The following RB1 variants were observed in gnomAD, a reference collection of about 807,000 sequenced individuals.
The protein encoded by RB1 is RB transcriptional corepressor 1.
RB1 carries 18 observed loss-of-function variants against 135.4 expected under a neutral mutation model. The observed-to-expected ratio is 0.13, with a 90% CI of 0.09 to 0.20. The LOEUF is 0.20. Ranked by LOEUF, RB1 falls within the 10% of genes least tolerant of loss-of-function variation. The pLI is 1.00. For missense variants in RB1, 868 were observed against 1,110.0 expected (o/e 0.78, Z 3.10); for synonymous variants, 365 against 373.2 (o/e 0.98, Z 0.25).
At chr13:48,406,715 G>C (rs1030296340) in intron 17 of RB1, 1 of 152,264 alleles carries the variant, frequency 6.6e-6, no homozygotes, top group Admixed American at 6.5e-5. Flanking sequence ...TTTGCCTGTG[G>C]TGCTTGCCTT....
At chr13:48,397,809 T>G (rs2138174492) in intron 17 of RB1, among the ~76,000 whole-genome samples, 1 of 152,288 alleles carries the variant, frequency 6.6e-6, no homozygotes, top group Non-Finnish European at 1.5e-5. Context: ...TGGTATTCTT[T>G]TGAAATGTCA....
intron 8 of RB1, 50 bp downstream of exon 8, chr13:48,363,007 T>C (rs2138113075): frequency 6.3e-7 from 1 of 1,592,506 alleles, no homozygotes; most frequent in Middle Eastern, 1.7e-4. Context: ...GATTTAGATG[T>C]AAGTTCTCCC....
intron 17 of RB1, among the ~76,000 whole-genome samples, chr13:48,440,439 G>A (rs1949226011): frequency 6.6e-6 from 1 of 152,082 alleles, no homozygotes; most frequent in Non-Finnish European, 1.5e-5. Context: ...ATTTACTTAT[G>A]TACAAATAGC....
intron 8 of RB1, 108 bp downstream of exon 8, chr13:48,363,065 G>C: frequency 7.3e-7 from 1 of 1,370,392 alleles, no homozygotes; most frequent in African/African-American, 1.5e-5. Flanking sequence ...TTTGTAATTA[G>C]TGCTAACTCT....
chr13:48,347,763 A>G, intron 4 of RB1, 62 bp from the exon 5 acceptor site: 1 of 1,153,476 alleles, frequency 8.7e-7, no homozygotes, highest in Non-Finnish European at 1.3e-6. Context: ...AAGCATGAGA[A>G]AACTACTATG....
At chr13:48,427,165 C>A (rs141486407) in intron 17 of RB1, among the ~76,000 whole-genome samples, 1 of 150,164 alleles carries the variant, frequency 6.7e-6, no homozygotes, top group Non-Finnish European at 1.5e-5. Flanking sequence ...CACTTCAACA[C>A]GAGTCATCTA....
At chr13:48,454,157 A>T (rs1005183561) in intron 18 of RB1, among the ~76,000 whole-genome samples, 1 of 152,268 alleles carries the variant, frequency 6.6e-6, no homozygotes, top group African/African-American at 2.4e-5. Context: ...TTAGAGAAAT[A>T]AGATAACTTG....
chr13:48,379,817 G>T (rs1009428200), intron 14 of RB1, among the ~76,000 whole-genome samples, 167 bp downstream of exon 14: 2 of 151,634 alleles, frequency 1.3e-5, no homozygotes, highest in African/African-American at 4.9e-5. Flanking sequence ...AAAATTAGCT[G>T]GGCGTGGTGG....
chr13:48,318,139 C>T (rs1952202042), intron 2 of RB1: 4 of 511,290 alleles, frequency 7.8e-6, no homozygotes, highest in Admixed American at 3.5e-5. Flanking sequence ...TGGCTCCTGA[C>T]GCCCTCCTGC....
At chr13:48,392,728 G>A (rs1465119744) in intron 17 of RB1, among the ~76,000 whole-genome samples, 1 of 138,674 alleles carries the variant, frequency 7.2e-6, no homozygotes, top group East Asian at 2.2e-4. Flanking sequence ...GTCTTTTTAG[G>A]TCTGTTTCTC....
intron 2 of RB1, chr13:48,318,598 G>A: frequency 3.2e-6 from 2 of 618,744 alleles, no homozygotes; most frequent in Non-Finnish European, 2.9e-6. Flanking sequence ...TCATGGCCGG[G>A]CACGGCTCAC....
chr13:48,336,847 C>T (rs1952389867), intron 2 of RB1, among the ~76,000 whole-genome samples: 1 of 152,172 alleles, frequency 6.6e-6, no homozygotes, highest in Non-Finnish European at 1.5e-5. Context: ...CTACACACTG[C>T]TTTACATGTG....
chr13:48,412,256 C>T (rs146907520), intron 17 of RB1: 2 of 1,613,994 alleles, frequency 1.2e-6, no homozygotes, highest in African/African-American at 2.7e-5. Flanking sequence ...CCAAGTTAAT[C>T]ATGTAAGTTG....
chr13:48,401,110 G>A (rs961681718), intron 17 of RB1, among the ~76,000 whole-genome samples: 5 of 152,104 alleles, frequency 3.3e-5, no homozygotes, highest in African/African-American at 1.2e-4. Context: ...TGAGGGTGGT[G>A]TTAGTTCACT....
At chr13:48,353,293 A>G (rs1239989899) in intron 6 of RB1, among the ~76,000 whole-genome samples, 1 of 152,172 alleles carries the variant, frequency 6.6e-6, no homozygotes, top group Non-Finnish European at 1.5e-5. Context: ...AACTAAAAGT[A>G]TCATTAGTGG....
intron 1 of RB1, 59 bp downstream of exon 1, chr13:48,304,108 G>A (rs1397310816): frequency 2.2e-6 from 3 of 1,336,050 alleles, no homozygotes; most frequent in Non-Finnish European, 2.9e-6. Context: ...TGTGCGTAGG[G>A]CGGGCGCCAA....
At chr13:48,463,664 T>C in intron 20 of RB1, 67 bp from the exon 21 acceptor site, 1 of 983,208 alleles carries the variant, frequency 1.0e-6, no homozygotes. Flanking sequence ...AGAAAGAAAA[T>C]GGTATTTTTT....
rs1952050302 is a variant in RB1 at position 48,303,856 on chromosome 13, C to G, written c.-57C>G. Reference sequence around the variant, plus strand: ...CGGGGCGTGCCCCGACGTGCGCGCGCGTCGTCCTCCCCGGCGCTCCTCCAC... The same window carrying G: ...CGGGGCGTGCCCCGACGTGCGCGCGGGTCGTCCTCCCCGGCGCTCCTCCAC... On this transcript the variant is annotated 5_prime_UTR_variant, in exon 1 of 27. Coordinates refer to ENST00000267163, the MANE Select transcript of RB1 (RefSeq NM_000321.3). The G allele has an allele frequency of 1.3e-6, 2 of 1,499,814 alleles. No individual in the cohort carries two copies. The highest frequency in any genetic ancestry group is 1.2e-5 in the South Asian group (1 of 80,772). 92.9% of individuals were successfully genotyped at this position (1,499,814 alleles called of 1,614,324 possible).
chr13:48,479,335 C>G (rs1011180623), intron 26 of RB1, among the ~76,000 whole-genome samples: 1 of 152,184 alleles, frequency 6.6e-6, no homozygotes, highest in East Asian at 1.9e-4. Context: ...GTAAAGAATA[C>G]CACCACTCAC....
Sources: gnomAD v4.1 joint callset for allele counts (sites outside exome capture counted in the v4.1 genomes callset) on GRCh38, gnomAD v4.1.1 for gene constraint, MANE v1.5 for transcripts, NCBI Gene and HGNC (gene_info 2026-07-23, HGNC 2026-07-21) for gene names.